EYS: variants seen among roughly 807,000 people sequenced by gnomAD.
EYS encodes EGF-like photoreceptor maintenance factor, also known as protein eyes shut homolog.
In EYS, 250 loss-of-function variants were observed where a neutral mutation model predicts 282.1. The observed-to-expected ratio is 0.89, with a 90% CI of 0.80 to 0.98. The LOEUF (loss-of-function observed/expected upper bound fraction) is 0.98, where lower values mean the gene tolerates loss of function less well. Ranked by LOEUF, EYS falls within the 50% of genes least tolerant of loss-of-function variation. EYS has a pLI of 0.00. For missense variants in EYS, 4,016 were observed against 3,709.0 expected (o/e 1.08, Z -2.15); for synonymous variants, 1,355 against 1,282.9 (o/e 1.06, Z -1.20).
intron 33 of EYS, among the ~76,000 whole-genome samples, chr6:64,008,954 C>T (rs1768476716): frequency 6.6e-6 from 1 of 152,068 alleles, no homozygotes; most frequent in Non-Finnish European, 1.5e-5. Flanking sequence ...TGAGCATGGT[C>T]ATCTTGTATA....
At chr6:64,935,268 G>A (rs1417096599) in intron 15 of EYS, among the ~76,000 whole-genome samples, 1 of 151,532 alleles carries the variant, frequency 6.6e-6, no homozygotes. Context: ...GAAAACAAAT[G>A]GCATAATAGC....
intron 31 of EYS, among the ~76,000 whole-genome samples, chr6:64,091,267 C>T (rs1772347868): frequency 6.6e-6 from 1 of 152,118 alleles, no homozygotes; most frequent in Non-Finnish European, 1.5e-5. Context: ...AGTCTTCAGA[C>T]ACATTGCCGT....
intron 36 of EYS, among the ~76,000 whole-genome samples, chr6:63,830,838 G>C (rs1341787759): frequency 1.3e-5 from 2 of 152,206 alleles, no homozygotes; most frequent in Non-Finnish European, 2.9e-5. Context: ...TACCCACAAA[G>C]GGAAGCCCAT....
intron 5 of EYS, among the ~76,000 whole-genome samples, chr6:65,438,558 G>A (rs867558225): frequency 1.6e-4 from 24 of 152,246 alleles, no homozygotes; most frequent in Middle Eastern, 3.4e-3. Flanking sequence ...TCTAACTGGT[G>A]TGAGATGCTA....
At chr6:64,720,565 A>C (rs1214518721) in intron 22 of EYS, among the ~76,000 whole-genome samples, 1 of 152,130 alleles carries the variant, frequency 6.6e-6, no homozygotes, top group Non-Finnish European at 1.5e-5. Context: ...ATTTCTCTTA[A>C]ATCATATATT....
intron 1 of EYS, among the ~76,000 whole-genome samples, chr6:65,676,811 C>A (rs953574648): frequency 4.0e-5 from 6 of 151,528 alleles, no homozygotes; most frequent in Non-Finnish European, 7.4e-5. Flanking sequence ...TCTGAAATTT[C>A]CTAGCAAACC....
At chr6:65,242,108 AT>A (rs1481120061) in intron 12 of EYS, among the ~76,000 whole-genome samples, 3 of 152,074 alleles carry the variant, frequency 2.0e-5, no homozygotes, top group Non-Finnish European at 4.4e-5. Context: ...TATGTGTAAA[AT>A]TTCTATGTAT....
intron 32 of EYS, among the ~76,000 whole-genome samples, chr6:64,073,258 T>C (rs573082435): frequency 6.6e-6 from 1 of 152,010 alleles, no homozygotes; most frequent in Admixed American, 6.6e-5. Context: ...TTTACAAAGG[T>C]CAAAGTGTTT....
intron 11 of EYS, chr6:65,331,553 C>T (rs1378590899): frequency 1.0e-6 from 1 of 965,074 alleles, no homozygotes; most frequent in Non-Finnish European, 1.2e-6. Flanking sequence ...ATCAAGAACT[C>T]ATTAAAGTGT....
At chr6:65,317,818 C>CAGACAGA (rs1562092926) in intron 11 of EYS, among the ~76,000 whole-genome samples, 1 of 54,092 alleles carries the variant, frequency 1.8e-5, no homozygotes, top group African/African-American at 1.2e-4. Context: ...TCCTTCCTTC[C>CAGACAGA]TTCCTTCCTT....
At chr6:65,229,389 TGTTATATAACA>T (rs1405623145) in intron 12 of EYS, among the ~76,000 whole-genome samples, 1 of 151,952 alleles carries the variant, frequency 6.6e-6, no homozygotes, top group Non-Finnish European at 1.5e-5. Context: ...TTTTTGTTTG[TGTTATATAACA>T]GTAGAGAACT....
At chr6:63,881,362 A>G (rs752749214) in intron 35 of EYS, among the ~76,000 whole-genome samples, 1 of 152,224 alleles carries the variant, frequency 6.6e-6, no homozygotes, top group Non-Finnish European at 1.5e-5. Flanking sequence ...TGGGTTCAGA[A>G]AAACCTCTTC....
At chr6:65,278,036 T>TC (rs201790290) in intron 12 of EYS, among the ~76,000 whole-genome samples, 5 of 124,000 alleles carry the variant, frequency 4.0e-5, no homozygotes, top group Admixed American at 1.8e-4. Flanking sequence ...CTTTTCCTTT[T>TC]CTTTTCTTTT....
intron 1 of EYS, among the ~76,000 whole-genome samples, chr6:65,687,056 A>C (rs549994275): frequency 6.6e-6 from 1 of 152,220 alleles, no homozygotes; most frequent in East Asian, 1.9e-4. Flanking sequence ...ACACATTTAT[A>C]CCTAGACTAG....
At chr6:64,481,274 G>GTA (rs61390164) in intron 26 of EYS, among the ~76,000 whole-genome samples, 8,090 of 140,448 alleles carry the variant, frequency 0.058, 477 homozygotes, top group African/African-American at 0.15. Context: ...GTGTGTGTGT[G>GTA]TATATATATA....
At chr6:64,967,175 T>G (rs576287582) in intron 14 of EYS, among the ~76,000 whole-genome samples, 1 of 152,294 alleles carries the variant, frequency 6.6e-6, no homozygotes, top group East Asian at 1.9e-4. Context: ...TCAGTCCTAC[T>G]TCATAGCAGC....
intron 5 of EYS, among the ~76,000 whole-genome samples, chr6:65,443,490 C>A (rs559724429): frequency 1.3e-5 from 2 of 151,226 alleles, no homozygotes; most frequent in African/African-American, 4.9e-5. Context: ...TACACATATG[C>A]GCATATACTT....
At chr6:64,795,231 G>T (rs544524704) in intron 22 of EYS, among the ~76,000 whole-genome samples, 1 of 97,918 alleles carries the variant, frequency 1.0e-5, no homozygotes, top group East Asian at 3.5e-4. Flanking sequence ...GCAAAACTCC[G>T]TCTCAAAAAA....
intron 28 of EYS, among the ~76,000 whole-genome samples, chr6:64,401,617 T>C (rs1319468434): frequency 6.6e-6 from 1 of 151,952 alleles, no homozygotes; most frequent in Non-Finnish European, 1.5e-5. Flanking sequence ...ACCCCATATA[T>C]CTACAGATAT....
Sources: allele counts gnomAD v4.1 joint callset (sites outside exome capture counted in the v4.1 genomes callset), GRCh38; gene constraint gnomAD v4.1.1; transcripts MANE v1.5; gene names NCBI Gene and HGNC (gene_info 2026-07-23, HGNC 2026-07-21).